The following SLC18A1 variants were observed in gnomAD, a reference collection of about 807,000 sequenced individuals.
The protein encoded by SLC18A1 is solute carrier family 18 member A1, also known as chromaffin granule amine transporter.
In SLC18A1, 69 loss-of-function variants were observed where a neutral mutation model predicts 53.7. The observed-to-expected ratio is 1.28, with a 90% CI of 1.06 to 1.57. The LOEUF (loss-of-function observed/expected upper bound fraction) is 1.57. Ranked by LOEUF, SLC18A1 falls within the 40% of genes most tolerant of loss-of-function variation. The pLI is 0.00. For synonymous variants in SLC18A1, 320 were observed against 248.1 expected (o/e 1.29, Z -2.72); for missense variants, 932 against 668.1 (o/e 1.40, Z -4.35).
At chr8:20,160,863 C>T (rs971679304) in intron 10 of SLC18A1, among the ~76,000 whole-genome samples, 2 of 152,042 alleles carry the variant, frequency 1.3e-5, no homozygotes, top group Admixed American at 6.6e-5. Context: ...AAGGGTATCA[C>T]ATGGAGAAAG....
chr8:20,172,964 C>G (rs1267252786), intron 6 of SLC18A1, 72 bp downstream of exon 6: 3 of 1,096,550 alleles, frequency 2.7e-6, no homozygotes, highest in South Asian at 2.7e-5. Context: ...TACTCGTCTT[C>G]TACACCTCGG....
rs7843545 is a variant in SLC18A1, at chr8:20,167,285, A to G, written c.859-2178T>C. Among the ~76,000 whole-genome samples, 316 of 152,344 alleles carry G rather than the reference A, an allele frequency of 2.1e-3. 2 individuals carry two copies. The highest frequency in any genetic ancestry group is 7.3e-3 in the African/African-American group (304 of 41,578). On this transcript the variant is annotated intron_variant, in intron 8 of 15. Coordinates refer to ENST00000276373, the MANE Select transcript of SLC18A1 (RefSeq NM_003053.4). Reference sequence around the variant, plus strand: ...TATTCATTAAGTCTAAGGGAAAAAGAACTGAAAAGTCTTGAATATTTCTTG... The same window carrying G: ...TATTCATTAAGTCTAAGGGAAAAAGGACTGAAAAGTCTTGAATATTTCTTG...
chr8:20,147,489 G>A, intron 14 of SLC18A1, 98 bp from the exon 15 acceptor site: 1 of 1,574,320 alleles, frequency 6.4e-7, no homozygotes, highest in East Asian at 2.2e-5. Flanking sequence ...GTGACCCAGA[G>A]GATGTCTCAG....
chr8:20,177,307 G>C (rs1248238035), intron 4 of SLC18A1, among the ~76,000 whole-genome samples: 1 of 152,186 alleles, frequency 6.6e-6, no homozygotes, highest in Non-Finnish European at 1.5e-5. Flanking sequence ...TTAAATATTG[G>C]GTTGCTAGGA....
intron 10 of SLC18A1, among the ~76,000 whole-genome samples, chr8:20,156,647 C>A (rs2128870975): frequency 6.6e-6 from 1 of 152,336 alleles, no homozygotes; most frequent in South Asian, 2.1e-4. Context: ...TTTCTCCTTG[C>A]TCTTCTTCTT....
At chr8:20,148,318 G>T in intron 12 of SLC18A1, 1 of 617,518 alleles carries the variant, frequency 1.6e-6, no homozygotes, top group Non-Finnish European at 2.6e-6. Context: ...TGAGTGGCAA[G>T]ATCAAGTTTG....
At chr8:20,164,061 C>T (rs1016321168) in intron 10 of SLC18A1, among the ~76,000 whole-genome samples, 3 of 152,140 alleles carry the variant, frequency 2.0e-5, no homozygotes. Flanking sequence ...GGGAGTCTTG[C>T]TTAGAATTGC....
chr8:20,171,527 G>A (rs369405475), intron 6 of SLC18A1, 33 bp from the exon 7 acceptor site: 2 of 1,511,554 alleles, frequency 1.3e-6, no homozygotes, highest in Non-Finnish European at 1.8e-6. Flanking sequence ...GATTCCAGAG[G>A]TGAGGGTGAG....
intron 8 of SLC18A1, among the ~76,000 whole-genome samples, chr8:20,169,584 AAG>A (rs1431399800): frequency 6.6e-6 from 1 of 152,160 alleles, no homozygotes; most frequent in Non-Finnish European, 1.5e-5. Flanking sequence ...ATTTGTTAGA[AAG>A]AGAGAGAATG....
chr8:20,173,346 A>G (rs1157665228), intron 5 of SLC18A1, among the ~76,000 whole-genome samples: 2 of 152,234 alleles, frequency 1.3e-5, no homozygotes, highest in African/African-American at 4.8e-5. Flanking sequence ...TATTGTTGAT[A>G]GTGCAAGCCC....
chr8:20,151,388 G>C (rs931536640), intron 10 of SLC18A1, among the ~76,000 whole-genome samples: 1 of 152,164 alleles, frequency 6.6e-6, no homozygotes, highest in Middle Eastern at 3.4e-3. Context: ...GATTATCAGC[G>C]TGAGAATGTG....
intron 10 of SLC18A1, among the ~76,000 whole-genome samples, chr8:20,163,078 G>T (rs2071869528): frequency 6.6e-6 from 1 of 152,158 alleles, no homozygotes; most frequent in Non-Finnish European, 1.5e-5. Context: ...GGGTTCTGGA[G>T]GTTAAGAAGT....
At chr8:20,173,249 G>C (rs985817761) in intron 5 of SLC18A1, 121 bp from the exon 6 acceptor site, 1 of 736,584 alleles carries the variant, frequency 1.4e-6, no homozygotes. Flanking sequence ...CAGTTTGAGG[G>C]GTTTTACAAA....
chr8:20,147,060 G>A (rs559646953), intron 15 of SLC18A1, among the ~76,000 whole-genome samples, 198 bp downstream of exon 15: 12 of 152,182 alleles, frequency 7.9e-5, no homozygotes, highest in African/African-American at 2.9e-4. Flanking sequence ...AGAGGGAAGT[G>A]GTTACTTAGA....
chr8:20,146,590 C>G (rs1238147994), intron 15 of SLC18A1, among the ~76,000 whole-genome samples: 3 of 152,140 alleles, frequency 2.0e-5, no homozygotes, highest in African/African-American at 7.2e-5. Flanking sequence ...TGGTATGGAT[C>G]TCTTCCCTGG....
chr8:20,169,051 A>G (rs2072044187), intron 8 of SLC18A1, among the ~76,000 whole-genome samples: 1 of 152,176 alleles, frequency 6.6e-6, no homozygotes, highest in Non-Finnish European at 1.5e-5. Flanking sequence ...AGAAGTAATT[A>G]CTACACAAGA....
At chr8:20,150,438 T>G (rs1402822997) in intron 11 of SLC18A1, among the ~76,000 whole-genome samples, 1 of 152,236 alleles carries the variant, frequency 6.6e-6, no homozygotes, top group African/African-American at 2.4e-5. Flanking sequence ...GCCCCTCATG[T>G]ATCCACTGCC....
At chr8:20,163,575 C>T (rs1448087628) in intron 10 of SLC18A1, among the ~76,000 whole-genome samples, 1 of 152,116 alleles carries the variant, frequency 6.6e-6, no homozygotes, top group East Asian at 1.9e-4. Flanking sequence ...CTCCCAACAC[C>T]TTTGAGGGAT....
At chr8:20,165,135 C>A (rs774355352) in intron 8 of SLC18A1, 28 bp from the exon 9 acceptor site, 54 of 1,595,238 alleles carry the variant, frequency 3.4e-5, no homozygotes, top group Non-Finnish European at 4.4e-5. Context: ...AAAAAATGTC[C>A]ATTTGTACAG....
Sources: allele counts gnomAD v4.1 joint callset (sites outside exome capture counted in the v4.1 genomes callset), GRCh38; gene constraint gnomAD v4.1.1; transcripts MANE v1.5; gene names NCBI Gene and HGNC (gene_info 2026-07-23, HGNC 2026-07-21).